NEGR1: variants seen among roughly 807,000 people sequenced by gnomAD.
NEGR1 encodes the protein neuronal growth regulator 1, also known as IgLON family member 4.
Under a neutral mutation model 40.9 loss-of-function variants are expected in NEGR1, and 10 were observed. The observed-to-expected ratio is 0.24, with a 90% CI of 0.15 to 0.42. NEGR1 has a LOEUF of 0.42. NEGR1 is among the 10% of genes least tolerant of loss of function. NEGR1 has a pLI of 1.00. For missense variants in NEGR1, 352 were observed against 438.9 expected (o/e 0.80, Z 1.77); for synonymous variants, 185 against 166.8 (o/e 1.11, Z -0.84).
intron 6 of NEGR1, among the ~76,000 whole-genome samples, chr1:71,575,153 C>T (rs985042691): frequency 5.3e-5 from 8 of 152,180 alleles, no homozygotes; most frequent in African/African-American, 1.7e-4. Flanking sequence ...ATACATATCT[C>T]TGCTAAGGGA....
At chr1:72,263,382 T>C (rs1454103585) in intron 1 of NEGR1, among the ~76,000 whole-genome samples, 1 of 151,372 alleles carries the variant, frequency 6.6e-6, no homozygotes, top group Non-Finnish European at 1.5e-5. Flanking sequence ...CTGAGGGAGA[T>C]TTCTTAAATA....
intron 3 of NEGR1, among the ~76,000 whole-genome samples, chr1:71,726,684 T>C (rs1008459016): frequency 2.6e-5 from 4 of 152,032 alleles, no homozygotes; most frequent in Non-Finnish European, 5.9e-5. Flanking sequence ...ATATCAATTT[T>C]CCCCCAAAAG....
chr1:71,764,010 C>A (rs763472169), intron 3 of NEGR1, among the ~76,000 whole-genome samples: 32 of 151,944 alleles, frequency 2.1e-4, no homozygotes, highest in Non-Finnish European at 3.1e-4. Context: ...AGATTATTTC[C>A]GGACAAAAGG....
intron 6 of NEGR1, among the ~76,000 whole-genome samples, chr1:71,457,556 T>G (rs1302770759): frequency 6.6e-6 from 1 of 152,172 alleles, no homozygotes; most frequent in Non-Finnish European, 1.5e-5. Flanking sequence ...CTTATACAGA[T>G]TACTGTTTAG....
chr1:71,954,318 G>A (rs1646098563), intron 1 of NEGR1, among the ~76,000 whole-genome samples: 1 of 151,924 alleles, frequency 6.6e-6, no homozygotes, highest in South Asian at 2.1e-4. Flanking sequence ...AATGATAGAT[G>A]ATTTTAGATG....
chr1:71,985,684 T>C lies in NEGR1; in HGVS notation c.177-50373A>G, dbSNP rs12067714. Among the ~76,000 whole-genome samples the C allele has an allele frequency of 5.2e-3, 797 of 152,336 alleles. 4 individuals are homozygous for C. Among genetic ancestry groups the C allele is most frequent in the African/African-American group, 0.018 (760 of 41,580 alleles). ...TATATATGTACACAATTTTATGATT[T>C]CTAGAAATGGTAACCATAGAGTAAT... is the stretch of plus-strand genomic sequence containing the variant. On this transcript the variant is annotated intron_variant, in intron 1 of 6. Coordinates refer to ENST00000357731, the MANE Select transcript of NEGR1 (RefSeq NM_173808.3).
At chr1:71,419,231 C>T (rs958163266) in intron 6 of NEGR1, among the ~76,000 whole-genome samples, 3 of 152,200 alleles carry the variant, frequency 2.0e-5, no homozygotes, top group African/African-American at 7.2e-5. Context: ...ATTTTAGGGG[C>T]ATCCAGAGAA....
At chr1:71,621,121 G>T (rs1650594622) in intron 4 of NEGR1, among the ~76,000 whole-genome samples, 1 of 151,786 alleles carries the variant, frequency 6.6e-6, no homozygotes, top group African/African-American at 2.4e-5. Flanking sequence ...GGGCAAAAAA[G>T]AAAAATGAAT....
At chr1:72,083,261 C>G (rs1275322809) in intron 1 of NEGR1, among the ~76,000 whole-genome samples, 1 of 151,960 alleles carries the variant, frequency 6.6e-6, no homozygotes, top group African/African-American at 2.4e-5. Context: ...TTCCTGCCTG[C>G]CTGCCTGCCT....
At chr1:72,223,842 A>G (rs1319390207) in intron 1 of NEGR1, among the ~76,000 whole-genome samples, 2 of 152,290 alleles carry the variant, frequency 1.3e-5, no homozygotes, top group East Asian at 3.9e-4. Context: ...AGAATAAATT[A>G]GCAACACAAA....
intron 1 of NEGR1, among the ~76,000 whole-genome samples, chr1:72,200,677 T>C (rs905755356): frequency 1.3e-5 from 2 of 151,880 alleles, no homozygotes; most frequent in Admixed American, 1.3e-4. Flanking sequence ...TGTCTAAATA[T>C]GACATGTAGA....
intron 1 of NEGR1, among the ~76,000 whole-genome samples, chr1:72,032,028 C>G (rs1646862830): frequency 6.6e-6 from 1 of 152,158 alleles, no homozygotes; most frequent in Admixed American, 6.5e-5. Flanking sequence ...AAGTCGCTTA[C>G]CCAAACTCAC....
At chr1:71,464,312 G>C (rs1042401076) in intron 6 of NEGR1, among the ~76,000 whole-genome samples, 2 of 151,996 alleles carry the variant, frequency 1.3e-5, no homozygotes, top group Non-Finnish European at 2.9e-5. Flanking sequence ...TGTTGGATGA[G>C]GAAAGACTGC....
chr1:72,150,601 C>T (rs1483818285), intron 1 of NEGR1, among the ~76,000 whole-genome samples: 1 of 151,998 alleles, frequency 6.6e-6, no homozygotes, highest in East Asian at 1.9e-4. Context: ...TGGTATTTGA[C>T]TAGCAGCCAC....
At chr1:71,606,985 C>G (rs933315431) in intron 5 of NEGR1, among the ~76,000 whole-genome samples, 2 of 152,046 alleles carry the variant, frequency 1.3e-5, no homozygotes, top group Non-Finnish European at 2.9e-5. Flanking sequence ...CTTTGAAGAT[C>G]TTGATTTAAG....
At chr1:71,696,769 A>G (rs1653487366) in intron 4 of NEGR1, among the ~76,000 whole-genome samples, 1 of 151,918 alleles carries the variant, frequency 6.6e-6, no homozygotes, top group Non-Finnish European at 1.5e-5. Context: ...ATACACTCCC[A>G]ACCCCAAGGA....
chr1:71,939,403 A>G (rs1645939377), intron 1 of NEGR1, among the ~76,000 whole-genome samples: 1 of 152,202 alleles, frequency 6.6e-6, no homozygotes, highest in African/African-American at 2.4e-5. Context: ...AATAATGAAC[A>G]ATAAATGTAA....
intron 1 of NEGR1, among the ~76,000 whole-genome samples, chr1:72,264,004 C>T (rs1256101336): frequency 2.6e-5 from 4 of 151,306 alleles, no homozygotes; most frequent in African/African-American, 9.7e-5. Flanking sequence ...AAAGGGGAAA[C>T]GGTGTTCTCT....
chr1:71,846,397 A>G (rs2101807636), intron 2 of NEGR1, among the ~76,000 whole-genome samples: 1 of 102,608 alleles, frequency 9.7e-6, no homozygotes, highest in East Asian at 3.2e-4. Flanking sequence ...ACACACACAC[A>G]CACACAAACA....
Sources: allele counts gnomAD v4.1 joint callset (sites outside exome capture counted in the v4.1 genomes callset), GRCh38; gene constraint gnomAD v4.1.1; transcripts MANE v1.5; gene names NCBI Gene and HGNC (gene_info 2026-07-23, HGNC 2026-07-21).